Variants in FKBP15 observed in about 807,000 individuals in gnomAD.
The protein encoded by FKBP15 is FKBP prolyl isomerase family member 15, also known as FK506-binding protein 15.
FKBP15 carries 106 observed loss-of-function variants against 158.1 expected under a neutral mutation model. That is an observed-to-expected ratio of 0.67 (90% confidence interval 0.57 to 0.79). The LOEUF (loss-of-function observed/expected upper bound fraction) is 0.79, where lower values mean the gene tolerates loss of function less well. Among genes scored for constraint, FKBP15 ranks in the 30% least tolerant of loss-of-function variants. The pLI is 0.00. For synonymous variants in FKBP15, 547 were observed against 548.6 expected, an observed-to-expected ratio of 1.00 and a Z score of 0.04; for missense variants, 1,287 against 1,479.1, an observed-to-expected ratio of 0.87 and a Z score of 2.13.
chr9:113,197,502 T>C (rs577480795), intron 8 of FKBP15, among the ~76,000 whole-genome samples: 1 of 152,250 alleles, frequency 6.6e-6, no homozygotes, highest in African/African-American at 2.4e-5. Context: ...ACCTCGTCTC[T>C]ACTAAAAATA....
At position 113,173,554 on chromosome 9, in the gene FKBP15, G is replaced by T; in HGVS notation, c.2431C>A (p.His811Asn). The T allele has an allele frequency of 6.2e-7, 1 of 1,613,932 alleles. No individual in the cohort carries two copies. The highest frequency in any genetic ancestry group is 8.5e-7 in the Non-Finnish European group (1 of 1,179,870). ...LQTQWEAKCE[H>N]LLASAKDEHL... ...TCATCCTTGGCGGAGGCCAACAAAT[G>T]TTCACATTTTGCTTCCCACTGGGTC... The change falls in exon 23 of 28, where the codon CAT becomes AAT. Residue 811 changes from histidine to asparagine, a missense_variant. By Grantham distance (68) the His-to-Asn change is moderately conservative. Coordinates refer to ENST00000238256, the MANE Select transcript of FKBP15 (RefSeq NM_015258.2).
intron 2 of FKBP15, among the ~76,000 whole-genome samples, chr9:113,207,983 C>T (rs891245954): frequency 1.3e-5 from 2 of 152,206 alleles, no homozygotes; most frequent in South Asian, 4.1e-4. Flanking sequence ...ATTTCCCCTT[C>T]CCTGTCTTCT....
At chr9:113,207,188 G>A in intron 3 of FKBP15, 24 bp downstream of exon 3, 2 of 1,590,182 alleles carry the variant, frequency 1.3e-6, no homozygotes, top group Non-Finnish European at 1.7e-6. Flanking sequence ...AAACTTCAGA[G>A]GGTGTTCCTT....
chr9:113,218,533 G>T (rs1831191425), intron 1 of FKBP15, among the ~76,000 whole-genome samples: 1 of 151,992 alleles, frequency 6.6e-6, no homozygotes, highest in South Asian at 2.1e-4. Context: ...AGTAAGCACA[G>T]AGTACGTATT....
chr9:113,167,431 T>A (rs577065590), intron 27 of FKBP15, among the ~76,000 whole-genome samples: 28 of 152,290 alleles, frequency 1.8e-4, no homozygotes, highest in Non-Finnish European at 3.2e-4. Context: ...TCCCCCTTTT[T>A]TCCTTTTTTT....
chr9:113,182,270 G>A (rs570934625), intron 19 of FKBP15, among the ~76,000 whole-genome samples: 7 of 152,278 alleles, frequency 4.6e-5, no homozygotes, highest in African/African-American at 1.4e-4. Flanking sequence ...GGAGCAAGGG[G>A]AGAAGCGAGC....
Position 113,161,983 on chromosome 9 carries a change from C to T in FKBP15, c.*4095G>A, listed in dbSNP as rs1830020901. The T allele has an allele frequency of 2.0e-6, 1 of 507,458 alleles. No homozygotes were observed. The highest frequency in any genetic ancestry group is 3.6e-6 in the Non-Finnish European group (1 of 277,296). The allele number at this position is 507,458 out of a possible 1,614,324, so 31.4% of individuals were successfully genotyped here. A position where few individuals can be genotyped will look rare whatever the true frequency, so the allele number is the denominator to read the frequency against. On this transcript the variant is annotated 3_prime_UTR_variant, in exon 28 of 28. Transcript: ENST00000238256. Reference sequence around the variant, plus strand: ...GGCCCCTATCTAGCAAATGAGGTGGCCACCCACCCTCCCCCAAATCTCACC... The same window carrying T: ...GGCCCCTATCTAGCAAATGAGGTGGTCACCCACCCTCCCCCAAATCTCACC...
At chr9:113,217,184 G>A (rs1269360709) in intron 1 of FKBP15, among the ~76,000 whole-genome samples, 1 of 143,424 alleles carries the variant, frequency 7.0e-6, no homozygotes, top group East Asian at 2.1e-4. Flanking sequence ...GATTACAGGT[G>A]TGAGCCACCA....
rs1429816424 is a variant in FKBP15 at position 113,206,711 on chromosome 9, AATTTT to A, written c.255-138_255-134del. The A allele has an allele frequency of 2.5e-5, 15 of 589,534 alleles. 1 individual carries two copies. Among genetic ancestry groups the A allele is most frequent in the African/African-American group, 8.3e-5 (4 of 48,014 alleles). The allele number at this position is 589,534 out of a possible 1,614,324, so 36.5% of individuals were successfully genotyped here. On this transcript the variant is annotated intron_variant, in intron 3 of 27. Coordinates refer to ENST00000238256, the MANE Select transcript of FKBP15 (RefSeq NM_015258.2). Reference sequence around the variant, plus strand: ...GCAGGGACACAGGTGAGCGGTTTAAAATTTTTTTTTTTTTTTTTTTTTTTGAGACA... The same window carrying A: ...GCAGGGACACAGGTGAGCGGTTTAAATTTTTTTTTTTTTTTTTTTGAGACA...
intron 2 of FKBP15, 99 bp downstream of exon 2, chr9:113,211,378 C>G (rs1830999735): frequency 1.1e-6 from 1 of 874,030 alleles, no homozygotes; most frequent in Non-Finnish European, 1.7e-6. Flanking sequence ...AGGCTGGTCT[C>G]AAACTCCTGA....
At chr9:113,213,577 C>T (rs575551739) in intron 1 of FKBP15, among the ~76,000 whole-genome samples, 67 of 107,720 alleles carry the variant, frequency 6.2e-4, no homozygotes, top group African/African-American at 2.5e-3. Flanking sequence ...CTGTCTCCCC[C>T]GAACCAAAAA....
At chr9:113,197,434 G>A (rs1357462120) in intron 8 of FKBP15, among the ~76,000 whole-genome samples, 6 of 152,184 alleles carry the variant, frequency 3.9e-5, no homozygotes, top group African/African-American at 1.4e-4. Context: ...TTGAGAGGCT[G>A]AGACGGGTGG....
intron 11 of FKBP15, 108 bp from the exon 12 acceptor site, chr9:113,190,686 C>G: frequency 1.3e-6 from 1 of 749,638 alleles, no homozygotes; most frequent in Non-Finnish European, 2.3e-6. Context: ...ATCCCCCTAC[C>G]ATATCTATTT....
In FKBP15 at chr9:113,183,737, G is replaced by A. The variant is rs764424190; in HGVS notation, c.1811+14C>T. 1.7e-5 allele frequency: 27 copies of A among 1,584,970 alleles called. No homozygotes were observed. The highest frequency in any genetic ancestry group is 2.2e-5 in the South Asian group (2 of 90,388). On this transcript the variant is annotated intron_variant, in intron 18 of 27. Coordinates refer to ENST00000238256, the MANE Select transcript of FKBP15 (RefSeq NM_015258.2). ...CTTTTGTCCATCCTAGCCAGGCCCC[G>A]TACCTGTCATTACCTCTGATTTCGT...
chr9:113,200,050 C>CAG, intron 6 of FKBP15, 87 bp from the exon 7 acceptor site: 1 of 1,364,278 alleles, frequency 7.3e-7, no homozygotes, highest in Non-Finnish European at 9.9e-7. Flanking sequence ...TCTCAAATAG[C>CAG]TTCATCCACT....
At chr9:113,211,451 G>A (rs765115251) in intron 2 of FKBP15, 26 bp downstream of exon 2, 1 of 1,553,374 alleles carries the variant, frequency 6.4e-7, no homozygotes, top group Non-Finnish European at 8.8e-7. Flanking sequence ...TAGCCACCTC[G>A]CTCGGCTAAT....
At chr9:113,200,870 C>T (rs1450309220) in intron 6 of FKBP15, among the ~76,000 whole-genome samples, 1 of 151,744 alleles carries the variant, frequency 6.6e-6, no homozygotes, top group Non-Finnish European at 1.5e-5. Context: ...ATGGTGAAAC[C>T]CTGTCTCTAC....
At chr9:113,192,440 C>T (rs935553457) in intron 11 of FKBP15, among the ~76,000 whole-genome samples, 2 of 152,182 alleles carry the variant, frequency 1.3e-5, no homozygotes, top group Non-Finnish European at 2.9e-5. Flanking sequence ...ACTCAGAAGC[C>T]TTCACAGACC....
chr9:113,195,748 C>T (rs571386326), intron 9 of FKBP15, among the ~76,000 whole-genome samples: 3 of 152,162 alleles, frequency 2.0e-5, no homozygotes, highest in African/African-American at 7.2e-5. Context: ...TCATTCTGGG[C>T]AGGGAACAGG....
Sources: gnomAD v4.1 joint callset for allele counts (sites outside exome capture counted in the v4.1 genomes callset) on GRCh38, gnomAD v4.1.1 for gene constraint, MANE v1.5 for transcripts, NCBI Gene and HGNC (gene_info 2026-07-23, HGNC 2026-07-21) for gene names.